Variants in LINC00632 observed in about 807,000 individuals in gnomAD.
LINC00632 encodes the protein long independently transcribed non-coding RNA 632.
chrX:140,754,688 G>A (rs867547235), intron 3 of LINC00632, among the ~76,000 whole-genome samples: 3 of 109,305 alleles, frequency 2.7e-5, no homozygotes, highest in Non-Finnish European at 1.9e-5. Context: ...ATTTCTTCCA[G>A]CAGATTTTTT....
intron 3 of LINC00632, among the ~76,000 whole-genome samples, chrX:140,756,582 G>T (rs1445243867): frequency 8.9e-6 from 1 of 111,894 alleles, no homozygotes. Flanking sequence ...AAGGAGGCTG[G>T]ATGTACAGCC....
Position 140,790,771 on chromosome X carries a change from T to C in LINC00632, n.18790T>C, listed in dbSNP as rs182871982. 3.3e-3 allele frequency among the ~76,000 whole-genome samples: 374 copies of C among 111,651 alleles called. 2 individuals are homozygous for C. The highest frequency in any genetic ancestry group is 0.011 in the African/African-American group (349 of 30,798). On this transcript the variant is annotated non_coding_transcript_exon_variant, in exon 5 of 5. Coordinates refer to ENST00000648200, the Ensembl canonical transcript of LINC00632. ...ATTTGTTTATAGTTTTAATTCCTCT[T>C]ACGTGAATGATATTGCATTTTAAAA...
chrX:140,727,819 T>G lies in LINC00632; in HGVS notation n.105-6059T>G, dbSNP rs966318204. 6.3e-5 allele frequency among the ~76,000 whole-genome samples: 7 copies of G among 111,772 alleles called. No homozygotes were observed. The Admixed American group carries it at 6.7e-4, about 11-fold the overall frequency. On this transcript the variant is annotated intron_variant and non_coding_transcript_variant, in intron 2 of 4. Transcript: ENST00000648200. ...CCCTATAACCCACAGATAAGTTCCATAATGCAAAAATCTCCCTAACAATAC... is the reference window on the plus strand; with the variant it reads ...CCCTATAACCCACAGATAAGTTCCAGAATGCAAAAATCTCCCTAACAATAC...
exon 5 of LINC00632, among the ~76,000 whole-genome samples, chrX:140,785,427 C>T (rs1223815471): frequency 8.9e-6 from 1 of 112,274 alleles, no homozygotes; most frequent in Non-Finnish European, 1.9e-5. Context: ...GATTTAAACC[C>T]GGCTAGCCTG....
At chrX:140,786,412 C>T (rs1414383596) in exon 5 of LINC00632, among the ~76,000 whole-genome samples, 1 of 111,120 alleles carries the variant, frequency 9.0e-6, no homozygotes, top group Non-Finnish European at 1.9e-5. Context: ...GGAAAGCATT[C>T]CTAAAGAAGT....
exon 5 of LINC00632, chrX:140,783,513 C>T: frequency 1.9e-6 from 2 of 1,071,669 alleles, no homozygotes; most frequent in Non-Finnish European, 2.5e-6. Flanking sequence ...TCCATGTCTT[C>T]CAGAAAAATC....
intron 3 of LINC00632, among the ~76,000 whole-genome samples, chrX:140,764,873 C>T (rs1243913079): frequency 9.0e-6 from 1 of 111,074 alleles, no homozygotes; most frequent in Admixed American, 9.5e-5. Context: ...CGGCTTCCTC[C>T]TCCGGGCTAT....
exon 5 of LINC00632, among the ~76,000 whole-genome samples, chrX:140,776,994 C>A (rs1371410708): frequency 9.1e-6 from 1 of 110,257 alleles, no homozygotes; most frequent in Non-Finnish European, 1.9e-5. Flanking sequence ...TTTGTGGGTA[C>A]ATGGATGAAG....
At chrX:140,747,492 T>TGCACTCCA (rs1397055398) in intron 3 of LINC00632, among the ~76,000 whole-genome samples, 3 of 97,619 alleles carry the variant, frequency 3.1e-5, no homozygotes. Flanking sequence ...ATCGCGCCAT[T>TGCACTCCA]GCACTCCAGC....
At chrX:140,750,442 C>T (rs1931394196) in intron 3 of LINC00632, among the ~76,000 whole-genome samples, 2 of 110,214 alleles carry the variant, frequency 1.8e-5, no homozygotes, top group African/African-American at 6.6e-5. Context: ...TGAGGTAATA[C>T]ATATGTTAAT....
chrX:140,710,369 A>C (rs767472979), intron 1 of LINC00632, among the ~76,000 whole-genome samples: 2 of 112,149 alleles, frequency 1.8e-5, no homozygotes, highest in Non-Finnish European at 3.8e-5. Flanking sequence ...TGAGATATGA[A>C]AGTGTATTCA....
At chrX:140,758,685 A>G (rs1281604674) in intron 3 of LINC00632, among the ~76,000 whole-genome samples, 2 of 111,517 alleles carry the variant, frequency 1.8e-5, no homozygotes, top group Admixed American at 1.9e-4. Flanking sequence ...GCTGAAAGTT[A>G]TATTTTCCTT....
exon 5 of LINC00632, among the ~76,000 whole-genome samples, chrX:140,790,468 T>C (rs1932091782): frequency 9.0e-6 from 1 of 111,578 alleles, no homozygotes; most frequent in South Asian, 3.7e-4. Flanking sequence ...TGTAGCATTA[T>C]GTTTTGACAT....
chrX:140,783,197 A>AAGGTCTTCCAACAACTCC (rs1270273512), exon 5 of LINC00632: 8 of 184,797 alleles, frequency 4.3e-5, no homozygotes, highest in Non-Finnish European at 7.0e-5. Flanking sequence ...CACCTGTGTC[A>AAGGTCTTCCAACAACTCC]AGGTCTTCCA....
intron 3 of LINC00632, among the ~76,000 whole-genome samples, chrX:140,752,576 A>G (rs749462095): frequency 8.9e-6 from 1 of 112,276 alleles, no homozygotes; most frequent in East Asian, 2.8e-4. Context: ...AAATCATATC[A>G]GGTAATGTAA....
At chrX:140,720,086 CAA>C (rs777219784) in intron 2 of LINC00632, among the ~76,000 whole-genome samples, 3 of 56,320 alleles carry the variant, frequency 5.3e-5, no homozygotes, top group Non-Finnish European at 6.7e-5. Flanking sequence ...GACTCCGTCT[CAA>C]AAAAAAAAAA....
At chrX:140,789,211 GAAT>G (rs200634064) in exon 5 of LINC00632, among the ~76,000 whole-genome samples, 2,437 of 108,866 alleles carry the variant, frequency 0.022, 32 homozygotes, top group African/African-American at 0.048. Context: ...TATAATAATA[GAAT>G]AATAATATTA....
intron 2 of LINC00632, among the ~76,000 whole-genome samples, chrX:140,725,093 T>C (rs1309026515): frequency 1.3e-5 from 1 of 78,581 alleles, no homozygotes; most frequent in East Asian, 4.8e-4. Flanking sequence ...AGACACACAT[T>C]TGATACACAC....
At chrX:140,751,918 G>A (rs1931416124) in intron 3 of LINC00632, among the ~76,000 whole-genome samples, 1 of 111,344 alleles carries the variant, frequency 9.0e-6, no homozygotes. Context: ...GGAGGAACTT[G>A]GCCAAAAGGA....
Sources: gnomAD v4.1 joint callset for allele counts (sites outside exome capture counted in the v4.1 genomes callset) on GRCh38, gnomAD v4.1.1 for gene constraint, MANE v1.5 for transcripts, NCBI Gene and HGNC (gene_info 2026-07-23, HGNC 2026-07-21) for gene names.